The following CNTNAP5 variants were observed in gnomAD, a reference collection of about 807,000 sequenced individuals.
The protein encoded by CNTNAP5 is contactin associated protein family member 5.
CNTNAP5 carries 72 observed loss-of-function variants against 150.2 expected under a neutral mutation model. That is an observed-to-expected ratio of 0.48 (90% CI 0.40 to 0.58). CNTNAP5 has a LOEUF of 0.58. Among genes scored for constraint, CNTNAP5 ranks in the 20% least tolerant of loss-of-function variants. CNTNAP5 has a pLI of 0.00. For synonymous variants in CNTNAP5, 672 were observed against 619.8 expected (o/e 1.08, Z -1.25); for missense variants, 1,636 against 1,626.2 (o/e 1.01, Z -0.10).
intron 3 of CNTNAP5, among the ~76,000 whole-genome samples, chr2:124,271,754 G>C (rs767610996): frequency 6.7e-6 from 1 of 149,978 alleles, no homozygotes; most frequent in Non-Finnish European, 1.5e-5. Flanking sequence ...TTGCTCTGTT[G>C]CCCAGGCTGT....
intron 22 of CNTNAP5, among the ~76,000 whole-genome samples, chr2:124,908,031 G>A (rs771154778): frequency 6.6e-6 from 1 of 151,812 alleles, no homozygotes; most frequent in Non-Finnish European, 1.5e-5. Flanking sequence ...GTTAAAAGTA[G>A]TACATAGACT....
chr2:124,609,689 G>A (rs1260898933), intron 11 of CNTNAP5, 112 bp from the exon 12 acceptor site: 2 of 1,192,154 alleles, frequency 1.7e-6, no homozygotes, highest in Non-Finnish European at 1.2e-6. Flanking sequence ...CAAGGATATA[G>A]AAGGAGGGAA....
chr2:124,342,981 G>C (rs1404119419), intron 3 of CNTNAP5, among the ~76,000 whole-genome samples: 5 of 152,070 alleles, frequency 3.3e-5, no homozygotes, highest in Non-Finnish European at 5.9e-5. Flanking sequence ...ACCTGTACTT[G>C]TCAAAGTTCT....
intron 19 of CNTNAP5, among the ~76,000 whole-genome samples, chr2:124,858,086 A>G (rs1399720838): frequency 6.6e-6 from 1 of 152,208 alleles, no homozygotes; most frequent in Non-Finnish European, 1.5e-5. Flanking sequence ...TGACAAACCC[A>G]CAGCCAATAT....
chr2:124,419,153 A>AAAAACAAAACAAAAC (rs1553466549), intron 4 of CNTNAP5, among the ~76,000 whole-genome samples: 1 of 76,404 alleles, frequency 1.3e-5, no homozygotes, highest in African/African-American at 4.8e-5. Context: ...AAAAAAAAAA[A>AAAAACAAAACAAAAC]AAAAAAAAAA....
intron 10 of CNTNAP5, among the ~76,000 whole-genome samples, chr2:124,535,606 CAA>C (rs1168717177): frequency 3.8e-4 from 29 of 75,954 alleles, no homozygotes; most frequent in African/African-American, 5.4e-4. Context: ...TACTGAAATA[CAA>C]AAAAAAAAAA....
At chr2:124,340,581 T>G (rs1351368948) in intron 3 of CNTNAP5, among the ~76,000 whole-genome samples, 2 of 151,814 alleles carry the variant, frequency 1.3e-5, no homozygotes, top group African/African-American at 4.8e-5. Context: ...GAATAAAGAT[T>G]GTACTATTAT....
At position 124,400,338 on chromosome 2, in the gene CNTNAP5, G is replaced by A. The variant is rs903519250; in HGVS notation, c.382-17105G>A. ...GAAAATAATGCAAGACAGAGAGAAA[G>A]AGAAATCATGCTGGGAAGACAAAAA... On this transcript the variant is annotated intron_variant, in intron 3 of 23. Transcript: ENST00000682447. Among the ~76,000 whole-genome samples the A allele has an allele frequency of 5.3e-5, 8 of 152,160 alleles. No homozygotes were observed. The East Asian group carries it at 1.4e-3, about 26-fold the overall frequency.
chr2:124,475,963 G>A (rs147163567), intron 7 of CNTNAP5, among the ~76,000 whole-genome samples: 4 of 151,570 alleles, frequency 2.6e-5, no homozygotes, highest in African/African-American at 7.3e-5. Context: ...TTTCTCTAAC[G>A]TCCTGTGTTT....
intron 1 of CNTNAP5, among the ~76,000 whole-genome samples, chr2:124,107,975 T>G (rs1683205290): frequency 6.6e-6 from 1 of 152,228 alleles, no homozygotes; most frequent in African/African-American, 2.4e-5. Context: ...TGCATTATTT[T>G]GAGTCCTTGA....
intron 19 of CNTNAP5, among the ~76,000 whole-genome samples, chr2:124,805,646 A>G (rs1682065988): frequency 6.6e-6 from 1 of 152,232 alleles, no homozygotes; most frequent in Non-Finnish European, 1.5e-5. Flanking sequence ...TCTGTTTAAT[A>G]CCTACTGTCT....
chr2:124,090,184 CA>C (rs1358865492), intron 1 of CNTNAP5, among the ~76,000 whole-genome samples: 2 of 152,200 alleles, frequency 1.3e-5, no homozygotes, highest in Non-Finnish European at 2.9e-5. Context: ...TTAGCAAAGT[CA>C]TATGGCCTAC....
At chr2:124,693,813 A>G (rs1398776299) in intron 13 of CNTNAP5, among the ~76,000 whole-genome samples, 3 of 150,476 alleles carry the variant, frequency 2.0e-5, no homozygotes, top group African/African-American at 7.4e-5. Context: ...AACAAAAGAA[A>G]AAACAAAAGA....
intron 1 of CNTNAP5, among the ~76,000 whole-genome samples, chr2:124,159,823 C>CA (rs1431467426): frequency 2.0e-4 from 30 of 152,128 alleles, no homozygotes; most frequent in Non-Finnish European, 2.9e-4. Flanking sequence ...ATTAAAAAAT[C>CA]AAAAATTCTA....
At chr2:124,391,132 T>C (rs1236405496) in intron 3 of CNTNAP5, among the ~76,000 whole-genome samples, 1 of 152,174 alleles carries the variant, frequency 6.6e-6, no homozygotes, top group Non-Finnish European at 1.5e-5. Flanking sequence ...ATGAGATGGG[T>C]ATAATAAAAT....
intron 1 of CNTNAP5, among the ~76,000 whole-genome samples, chr2:124,059,857 T>C (rs763611453): frequency 2.6e-5 from 4 of 152,082 alleles, no homozygotes; most frequent in African/African-American, 7.2e-5. Context: ...GCTCAGTATA[T>C]AAAAATGTCT....
In CNTNAP5 at chr2:124,873,751, A is replaced by G. The variant is rs571924969; in HGVS notation, c.3436+3989A>G. ...ATGATAAATGCAACTGAACTTCACA[A>G]TTTTAGAAAAGATTGCTTTGTAGGA... is the stretch of plus-strand genomic sequence containing the variant. On this transcript the variant is annotated intron_variant, in intron 21 of 23. Coordinates refer to ENST00000682447, the MANE Select transcript of CNTNAP5 (RefSeq NM_001367498.1). Among the ~76,000 whole-genome samples the G allele has an allele frequency of 8.5e-5, 13 of 152,238 alleles. No homozygotes were observed. The South Asian group carries it at 2.5e-3, about 29-fold the overall frequency.
intron 1 of CNTNAP5, among the ~76,000 whole-genome samples, chr2:124,168,596 A>C (rs2699370): frequency 0.97 from 147,475 of 152,254 alleles, 71,600 homozygotes; most frequent in East Asian, 1. Flanking sequence ...AAATATCTGC[A>C]AGAATCTCAT....
intron 18 of CNTNAP5, among the ~76,000 whole-genome samples, chr2:124,797,686 A>G (rs1393342941): frequency 1.3e-5 from 2 of 152,220 alleles, no homozygotes; most frequent in Non-Finnish European, 2.9e-5. Flanking sequence ...TAGAACTGTC[A>G]GGTTCTCAGT....
Sources: allele counts gnomAD v4.1 joint callset (sites outside exome capture counted in the v4.1 genomes callset), GRCh38; gene constraint gnomAD v4.1.1; transcripts MANE v1.5; gene names NCBI Gene and HGNC (gene_info 2026-07-23, HGNC 2026-07-21).